SGCZ: variants seen among roughly 807,000 people sequenced by gnomAD.
SGCZ encodes the protein sarcoglycan zeta.
In SGCZ, 40 loss-of-function variants were observed where a neutral mutation model predicts 41.3. That is an observed-to-expected ratio of 0.97 (90% CI 0.75 to 1.26). The LOEUF is 1.26. Among genes scored for constraint, SGCZ ranks in the 50% most tolerant of loss-of-function variants. The pLI, the probability that SGCZ is intolerant of heterozygous loss-of-function variation, is 0.00. For missense variants in SGCZ, 552 were observed against 369.8 expected, an observed-to-expected ratio of 1.49 and a Z score of -4.04; for synonymous variants, 206 against 137.5, an observed-to-expected ratio of 1.50 and a Z score of -3.49.
intron 1 of SGCZ, among the ~76,000 whole-genome samples, chr8:14,580,268 G>A (rs35636760): frequency 0.24 from 36,555 of 151,992 alleles, 4,493 homozygotes; most frequent in Admixed American, 0.26. Context: ...CGATAATTTT[G>A]ATTATCAGTG....
chr8:14,326,845 C>T (rs1484677107), intron 2 of SGCZ, among the ~76,000 whole-genome samples: 1 of 152,100 alleles, frequency 6.6e-6, no homozygotes, highest in East Asian at 1.9e-4. Flanking sequence ...CATTACCACC[C>T]ACTTACTGGC....
chr8:15,078,422 C>T (rs904417703), intron 1 of SGCZ, among the ~76,000 whole-genome samples: 2 of 151,906 alleles, frequency 1.3e-5, no homozygotes, highest in African/African-American at 4.8e-5. Flanking sequence ...CAGGTCAGGA[C>T]TCCATTGCCT....
chr8:14,522,714 T>G (rs2117103982), intron 2 of SGCZ, among the ~76,000 whole-genome samples: 1 of 151,924 alleles, frequency 6.6e-6, no homozygotes, highest in South Asian at 2.1e-4. Context: ...CCATTTTCAA[T>G]TTCATTCATT....
chr8:14,643,545 A>G (rs1345097947), intron 1 of SGCZ, among the ~76,000 whole-genome samples: 1 of 151,504 alleles, frequency 6.6e-6, no homozygotes, highest in African/African-American at 2.4e-5. Context: ...TATTTTTCAA[A>G]AAAAAAAAGA....
At position 14,944,464 on chromosome 8, in the gene SGCZ, T is replaced by G. The variant is rs73517370; in HGVS notation, c.39+293121A>C. ...TGAGTTATGAGTATACTGGAAAACT[T>G]TAAGCTATGTTGTGGATTCATTACC... On this transcript the variant is annotated intron_variant, in intron 1 of 7. Coordinates refer to ENST00000382080, the MANE Select transcript of SGCZ (RefSeq NM_139167.4). Among the ~76,000 whole-genome samples the G allele has an allele frequency of 3.0e-3, 457 of 152,254 alleles. 6 individuals are homozygous for G. Among genetic ancestry groups the G allele is most frequent in the African/African-American group, 0.01 (436 of 41,556 alleles).
intron 2 of SGCZ, among the ~76,000 whole-genome samples, chr8:14,405,024 C>T (rs369888324): frequency 6.6e-6 from 1 of 152,196 alleles, no homozygotes; most frequent in Non-Finnish European, 1.5e-5. Flanking sequence ...GAGGCAGCTG[C>T]CAAACCCTCA....
chr8:14,238,392 CTT>C (rs1259587846), intron 3 of SGCZ, among the ~76,000 whole-genome samples: 1 of 152,116 alleles, frequency 6.6e-6, no homozygotes, highest in African/African-American at 2.4e-5. Context: ...ACTATAGTAA[CTT>C]ATTTTTCAAT....
rs748158104 is a variant in SGCZ at position 14,090,256 on chromosome 8, C to T, written c.*187G>A. ...GCTTTTTCCACTGCTGTGTCAATCA[C>T]ACCCTCTGTGTTGAGCAGTACAGTA... is the stretch of plus-strand genomic sequence containing the variant. On this transcript the variant is annotated 3_prime_UTR_variant, in exon 8 of 8. Transcript: ENST00000382080. The T allele has an allele frequency of 6.3e-6, 3 of 478,506 alleles. No homozygotes were observed. Among genetic ancestry groups the T allele is most frequent in the Non-Finnish European group, 1.1e-5 (3 of 283,640 alleles). The allele number at this position is 478,506 out of a possible 1,614,324, so 29.6% of individuals were successfully genotyped here. A position where few individuals can be genotyped will look rare whatever the true frequency, so the allele number is the denominator to read the frequency against.
intron 2 of SGCZ, among the ~76,000 whole-genome samples, chr8:14,420,585 A>T (rs1799612092): frequency 6.6e-6 from 1 of 152,030 alleles, no homozygotes; most frequent in African/African-American, 2.4e-5. Context: ...CAGATACCAA[A>T]ATGATCCCGA....
At chr8:15,114,068 T>C (rs1038154864) in intron 1 of SGCZ, among the ~76,000 whole-genome samples, 16 of 152,236 alleles carry the variant, frequency 1.1e-4, no homozygotes, top group Admixed American at 2.0e-4. Context: ...ACAGATCTCA[T>C]GTTTCCTGAT....
At chr8:14,093,358 A>G (rs570390427) in intron 7 of SGCZ, among the ~76,000 whole-genome samples, 7 of 152,052 alleles carry the variant, frequency 4.6e-5, no homozygotes, top group Non-Finnish European at 8.8e-5. Flanking sequence ...ACACTGCTCA[A>G]AACACTCTGA....
At chr8:14,612,003 C>A (rs1195513491) in intron 1 of SGCZ, among the ~76,000 whole-genome samples, 7 of 152,140 alleles carry the variant, frequency 4.6e-5, no homozygotes, top group Admixed American at 2.6e-4. Context: ...GCATCTATTT[C>A]TTTAAGGGAG....
At chr8:14,198,625 A>G (rs1356056711) in intron 4 of SGCZ, among the ~76,000 whole-genome samples, 1 of 152,104 alleles carries the variant, frequency 6.6e-6, no homozygotes, top group Non-Finnish European at 1.5e-5. Flanking sequence ...AAAAGAACTG[A>G]TCTTTTTAAA....
intron 2 of SGCZ, among the ~76,000 whole-genome samples, chr8:14,342,308 A>G (rs1802737923): frequency 6.6e-6 from 1 of 152,048 alleles, no homozygotes; most frequent in African/African-American, 2.4e-5. Flanking sequence ...AATATCTGGC[A>G]GAAGAAATTT....
intron 4 of SGCZ, among the ~76,000 whole-genome samples, chr8:14,178,067 C>T (rs1468169866): frequency 6.2e-5 from 9 of 145,126 alleles, no homozygotes; most frequent in African/African-American, 2.3e-4. Flanking sequence ...AAGGGACTCT[C>T]GTGCCTCAGC....
intron 1 of SGCZ, among the ~76,000 whole-genome samples, chr8:14,858,928 T>C (rs1803631329): frequency 6.6e-6 from 1 of 152,190 alleles, no homozygotes; most frequent in African/African-American, 2.4e-5. Context: ...CTCAATGTTT[T>C]TCTTTGGCAA....
chr8:14,441,298 C>T (rs796220575), intron 2 of SGCZ, among the ~76,000 whole-genome samples: 16 of 152,202 alleles, frequency 1.1e-4, no homozygotes, highest in East Asian at 1.9e-4. Flanking sequence ...TCATTTTGGC[C>T]GGGGACAGTG....
At chr8:14,970,303 C>T (rs1801248649) in intron 1 of SGCZ, among the ~76,000 whole-genome samples, 2 of 152,074 alleles carry the variant, frequency 1.3e-5, no homozygotes, top group African/African-American at 4.8e-5. Flanking sequence ...CTTACTCTGT[C>T]TTGTCTTTCA....
chr8:14,606,453 A>C (rs1022311607), intron 1 of SGCZ, among the ~76,000 whole-genome samples: 1 of 152,136 alleles, frequency 6.6e-6, no homozygotes, highest in Non-Finnish European at 1.5e-5. Flanking sequence ...ACTATGTATT[A>C]AGTTGTTGTT....
Sources: gnomAD v4.1 joint callset for allele counts (sites outside exome capture counted in the v4.1 genomes callset) on GRCh38, gnomAD v4.1.1 for gene constraint, MANE v1.5 for transcripts, NCBI Gene and HGNC (gene_info 2026-07-23, HGNC 2026-07-21) for gene names.